The following ARHGAP31 variants were observed in gnomAD, a reference collection of about 807,000 sequenced individuals.
ARHGAP31 encodes the protein Rho GTPase activating protein 31.
Under a neutral mutation model 113.9 loss-of-function variants are expected in ARHGAP31, and 34 were observed. The ratio of observed to expected loss-of-function variants is 0.30; its 90% CI spans 0.23 to 0.40. The LOEUF (loss-of-function observed/expected upper bound fraction) is 0.40, where lower values mean the gene tolerates loss of function less well. Among genes scored for constraint, ARHGAP31 ranks in the 10% least tolerant of loss-of-function variants. ARHGAP31 has a pLI of 1.00. For synonymous variants in ARHGAP31, 650 were observed against 684.8 expected, an observed-to-expected ratio of 0.95 and a Z score of 0.79; for missense variants, 1,548 against 1,767.1, an observed-to-expected ratio of 0.88 and a Z score of 2.22.
intron 1 of ARHGAP31, among the ~76,000 whole-genome samples, chr3:119,306,772 C>T (rs1048023864): frequency 6.6e-6 from 1 of 152,120 alleles, no homozygotes; most frequent in East Asian, 1.9e-4. Context: ...TCCAGGTGAT[C>T]TAATATCCTT....
intron 3 of ARHGAP31, among the ~76,000 whole-genome samples, chr3:119,373,617 C>A (rs1442537525): frequency 1.3e-5 from 2 of 152,168 alleles, no homozygotes; most frequent in South Asian, 4.1e-4. Context: ...GCACCCGCCA[C>A]CATGCCCAGC....
At chr3:119,352,854 C>T in intron 1 of ARHGAP31, among the ~76,000 whole-genome samples, 1 of 152,150 alleles carries the variant, frequency 6.6e-6, no homozygotes. Flanking sequence ...AGTAAAAATG[C>T]CCCCAAGTTC....
chr3:119,295,923 T>C (rs2079530519), intron 1 of ARHGAP31, among the ~76,000 whole-genome samples: 1 of 152,202 alleles, frequency 6.6e-6, no homozygotes, highest in Non-Finnish European at 1.5e-5. Context: ...TTTTGTAAGG[T>C]TGACTGGTTT....
chr3:119,369,704 A>G (rs984674666), intron 3 of ARHGAP31, among the ~76,000 whole-genome samples: 10 of 152,220 alleles, frequency 6.6e-5, no homozygotes, highest in Admixed American at 4.6e-4. Flanking sequence ...TAAATGCACA[A>G]CTGTATATTA....
intron 3 of ARHGAP31, among the ~76,000 whole-genome samples, chr3:119,375,247 C>T (rs892521479): frequency 6.6e-6 from 1 of 152,182 alleles, no homozygotes; most frequent in Admixed American, 6.5e-5. Flanking sequence ...CTTCACTGGG[C>T]TGAAGTTAAG....
At chr3:119,369,950 A>AT (rs776941654) in intron 3 of ARHGAP31, among the ~76,000 whole-genome samples, 3 of 148,302 alleles carry the variant, frequency 2.0e-5, no homozygotes, top group Non-Finnish European at 1.5e-5. Flanking sequence ...AGAAATGAAG[A>AT]TTTAAAAAAA....
At position 119,383,139 on chromosome 3, in the gene ARHGAP31, C is replaced by T. The variant is rs749283093; in HGVS notation, c.595C>T (p.Arg199Trp). Residue 199 changes from arginine to tryptophan, a missense_variant, in exon 6 of 12, where the codon CGG (arginine) becomes TGG (tryptophan). Transcript: ENST00000264245. The stretch of plus-strand genomic sequence containing the variant: ...TGGAGATGCAGCCTTCCTTGCAGTC[C>T]GGGTCCAGCAGGTGGTGATTGAGTT... ...CNGDAAFLAVRVQQVVIEFIL... is the reference protein window; with the variant it reads ...CNGDAAFLAVWVQQVVIEFIL... 9.9e-6 allele frequency: 16 copies of T among 1,614,028 alleles called. No homozygotes were observed. The African/African-American group carries it at 1.3e-4, about 13-fold the overall frequency.
At chr3:119,353,590 A>G (rs7624286) in intron 1 of ARHGAP31, among the ~76,000 whole-genome samples, 46,019 of 151,914 alleles carry the variant, frequency 0.3, 8,057 homozygotes, top group African/African-American at 0.48. Flanking sequence ...GGATCACGAG[A>G]TCAGGAGTTC....
intron 6 of ARHGAP31, 134 bp from the exon 7 acceptor site, chr3:119,390,651 C>A: frequency 1.0e-6 from 1 of 985,922 alleles, no homozygotes; most frequent in Non-Finnish European, 1.5e-6. Context: ...CAGGCCCCAC[C>A]ATGCCCAAGA....
intron 1 of ARHGAP31, among the ~76,000 whole-genome samples, chr3:119,351,726 T>C (rs1297860176): frequency 6.6e-6 from 1 of 152,186 alleles, no homozygotes; most frequent in Admixed American, 6.5e-5. Flanking sequence ...CAAGTTTGCT[T>C]CTCTCTCATT....
chr3:119,327,285 G>C (rs2079854191), intron 1 of ARHGAP31, among the ~76,000 whole-genome samples: 1 of 152,194 alleles, frequency 6.6e-6, no homozygotes, highest in Non-Finnish European at 1.5e-5. Flanking sequence ...GCTCACGCCT[G>C]TAATCCCAGC....
At chr3:119,365,753 C>T (rs773730981) in intron 2 of ARHGAP31, among the ~76,000 whole-genome samples, 7 of 152,136 alleles carry the variant, frequency 4.6e-5, no homozygotes, top group Non-Finnish European at 7.4e-5. Context: ...CATTTGCTGG[C>T]CTGCCCAAAG....
intron 1 of ARHGAP31, among the ~76,000 whole-genome samples, chr3:119,310,845 T>A (rs189498379): frequency 5.9e-4 from 90 of 152,364 alleles, no homozygotes; most frequent in African/African-American, 1.7e-3. Flanking sequence ...TGCTTTTTTT[T>A]AAATCTCACT....
rs1191556536 is a variant in ARHGAP31 at position 119,310,185 on chromosome 3, T to C, written c.100+15181T>C. 2.6e-5 allele frequency among the ~76,000 whole-genome samples: 4 copies of C among 152,156 alleles called. No homozygotes were observed. In the East Asian group the frequency reaches 7.7e-4, roughly 29 times the overall value. On this transcript the variant is annotated intron_variant, in intron 1 of 11. Coordinates refer to ENST00000264245, the MANE Select transcript of ARHGAP31 (RefSeq NM_020754.4). ...GAGAACAATAGATCACATTGGGTAA[T>C]TGAATGCCTTGGCCACACAGGGAGC...
At chr3:119,335,041 G>A (rs1385035837) in intron 1 of ARHGAP31, among the ~76,000 whole-genome samples, 2 of 151,948 alleles carry the variant, frequency 1.3e-5, no homozygotes, top group Admixed American at 6.6e-5. Flanking sequence ...AAGAACACTT[G>A]TATGTTGATT....
At chr3:119,354,856 A>G (rs774998989) in intron 1 of ARHGAP31, among the ~76,000 whole-genome samples, 5 of 151,232 alleles carry the variant, frequency 3.3e-5, no homozygotes, top group Non-Finnish European at 5.9e-5. Flanking sequence ...CTATATTTAT[A>G]TATAATTTTA....
chr3:119,299,403 T>C (rs1161088766), intron 1 of ARHGAP31, among the ~76,000 whole-genome samples: 2 of 152,210 alleles, frequency 1.3e-5, no homozygotes, highest in Non-Finnish European at 2.9e-5. Flanking sequence ...CACATTAACA[T>C]ATATATATGA....
At chr3:119,333,683 A>T (rs2079916520) in intron 1 of ARHGAP31, among the ~76,000 whole-genome samples, 1 of 152,168 alleles carries the variant, frequency 6.6e-6, no homozygotes, top group Admixed American at 6.5e-5. Flanking sequence ...AGGTGAAGTG[A>T]CTTACCTAAA....
At chr3:119,368,635 G>A in intron 3 of ARHGAP31, 119 bp downstream of exon 3, 1 of 1,304,936 alleles carries the variant, frequency 7.7e-7, no homozygotes, top group Non-Finnish European at 1.1e-6. Context: ...ATCTTAGCGT[G>A]GTGAGGGAAG....
Sources: gnomAD v4.1 joint callset for allele counts (sites outside exome capture counted in the v4.1 genomes callset) on GRCh38, gnomAD v4.1.1 for gene constraint, MANE v1.5 for transcripts, NCBI Gene and HGNC (gene_info 2026-07-23, HGNC 2026-07-21) for gene names.